Variants in MICU1 observed in about 807,000 individuals in gnomAD.
MICU1 encodes the protein mitochondrial calcium uptake 1.
In MICU1, 45 loss-of-function variants were observed where a neutral mutation model predicts 56.8. The observed-to-expected ratio is 0.79, with a 90% CI of 0.62 to 1.02. MICU1 has a LOEUF of 1.02. Ranked by LOEUF, MICU1 falls within the 50% of genes least tolerant of loss-of-function variation. The pLI, the probability that MICU1 is intolerant of heterozygous loss-of-function variation, is 0.00. For synonymous variants in MICU1, 186 were observed against 195.1 expected, an observed-to-expected ratio of 0.95 and a Z score of 0.39; for missense variants, 504 against 587.1, an observed-to-expected ratio of 0.86 and a Z score of 1.46.
At chr10:72,451,960 G>A (rs917209078) in intron 8 of MICU1, among the ~76,000 whole-genome samples, 4 of 152,098 alleles carry the variant, frequency 2.6e-5, no homozygotes, top group African/African-American at 4.8e-5. Context: ...CGCCACCTGG[G>A]TTCAAGCCAT....
At chr10:72,431,664 A>G (rs1185978660) in intron 8 of MICU1, among the ~76,000 whole-genome samples, 1 of 152,210 alleles carries the variant, frequency 6.6e-6, no homozygotes, top group Admixed American at 6.5e-5. Context: ...GCTATGTATA[A>G]GAGTGCCCAC....
chr10:72,486,231 C>G (rs1866470351), intron 6 of MICU1, among the ~76,000 whole-genome samples: 1 of 151,986 alleles, frequency 6.6e-6, no homozygotes, highest in Admixed American at 6.6e-5. Context: ...GAACTAAAGG[C>G]ATAAGGATTA....
intron 4 of MICU1, among the ~76,000 whole-genome samples, chr10:72,550,589 T>C (rs995611911): frequency 1.1e-4 from 17 of 152,246 alleles, no homozygotes; most frequent in African/African-American, 4.1e-4. Context: ...CCTTTGAGAC[T>C]ATGGTCACAA....
intron 5 of MICU1, among the ~76,000 whole-genome samples, chr10:72,515,752 A>G (rs975100800): frequency 1.3e-5 from 2 of 152,218 alleles, no homozygotes; most frequent in Admixed American, 1.3e-4. Context: ...GAAAATCTAC[A>G]TATGTTGAAA....
intron 6 of MICU1, among the ~76,000 whole-genome samples, chr10:72,488,313 A>C (rs536221173): frequency 6.6e-6 from 1 of 152,046 alleles, no homozygotes; most frequent in Non-Finnish European, 1.5e-5. Flanking sequence ...AATATGGAAA[A>C]GAATATTTTT....
At chr10:72,506,685 T>C (rs1003287101) in intron 6 of MICU1, among the ~76,000 whole-genome samples, 3 of 152,216 alleles carry the variant, frequency 2.0e-5, no homozygotes, top group African/African-American at 7.2e-5. Flanking sequence ...CATTCTCAAA[T>C]AAATAATTTG....
intron 4 of MICU1, among the ~76,000 whole-genome samples, chr10:72,542,219 G>A (rs191077684): frequency 6.6e-6 from 1 of 152,188 alleles, no homozygotes; most frequent in East Asian, 1.9e-4. Context: ...TTAATTTCAT[G>A]TCACTTTCAA....
At chr10:72,369,195 T>C (rs1862244941) in intron 11 of MICU1, among the ~76,000 whole-genome samples, 1 of 151,796 alleles carries the variant, frequency 6.6e-6, no homozygotes, top group Non-Finnish European at 1.5e-5. Flanking sequence ...GGAAGATCGC[T>C]TGATTACCAC....
At chr10:72,404,217 T>C (rs1436089966) in intron 10 of MICU1, among the ~76,000 whole-genome samples, 1 of 151,000 alleles carries the variant, frequency 6.6e-6, no homozygotes, top group Non-Finnish European at 1.5e-5. Context: ...CTTGAACTCC[T>C]GGCCTCAAGT....
At chr10:72,577,175 G>A (rs997901638) in intron 1 of MICU1, among the ~76,000 whole-genome samples, 1 of 151,960 alleles carries the variant, frequency 6.6e-6, no homozygotes, top group African/African-American at 2.4e-5. Context: ...GACTCTGGGG[G>A]CTCTGGGGGG....
chr10:72,610,871 A>C (rs905747658), intron 1 of MICU1, among the ~76,000 whole-genome samples: 2 of 152,214 alleles, frequency 1.3e-5, no homozygotes, highest in Non-Finnish European at 2.9e-5. Context: ...AACATGATAC[A>C]TTACTTTACC....
intron 9 of MICU1, among the ~76,000 whole-genome samples, chr10:72,420,049 C>T (rs1367765030): frequency 2.6e-5 from 4 of 152,098 alleles, no homozygotes; most frequent in South Asian, 4.1e-4. Context: ...CCTGCCACAA[C>T]GTAAGACGTG....
At chr10:72,475,443 T>TG in intron 7 of MICU1, 146 bp from the exon 8 acceptor site, 1 of 809,246 alleles carries the variant, frequency 1.2e-6, no homozygotes, top group Non-Finnish European at 1.9e-6. Flanking sequence ...AATTTTTTTT[T>TG]TTTGAGACAG....
chr10:72,470,683 A>T (rs561582928), intron 8 of MICU1, among the ~76,000 whole-genome samples: 2 of 151,658 alleles, frequency 1.3e-5, no homozygotes, highest in African/African-American at 4.9e-5. Context: ...AACAGCAATT[A>T]AATTTCCAAT....
Position 72,398,882 on chromosome 10 carries a change from C to T in MICU1, c.1180+9047G>A, listed in dbSNP as rs568599843. On this transcript the variant is annotated intron_variant, in intron 10 of 11. Transcript: ENST00000361114. ...CAGAGGTACAAAAAGGAGCTGGTACCATTCCTTCTGAAACTATTCCAATCA... is the reference window on the plus strand; with the variant it reads ...CAGAGGTACAAAAAGGAGCTGGTACTATTCCTTCTGAAACTATTCCAATCA... Among the ~76,000 whole-genome samples the T allele has an allele frequency of 8.5e-5, 13 of 152,302 alleles. No homozygotes were observed. The South Asian group carries it at 2.7e-3, about 32-fold the overall frequency.
chr10:72,520,483 C>A (rs1867784878), intron 5 of MICU1, among the ~76,000 whole-genome samples: 1 of 152,070 alleles, frequency 6.6e-6, no homozygotes, highest in Non-Finnish European at 1.5e-5. Flanking sequence ...CTCAAATTTT[C>A]TTCTAAGCTT....
intron 8 of MICU1, among the ~76,000 whole-genome samples, chr10:72,428,070 G>A (rs187414875): frequency 1.3e-5 from 2 of 152,210 alleles, no homozygotes; most frequent in Non-Finnish European, 2.9e-5. Flanking sequence ...CAAGAGCCCA[G>A]GTCAGACTGC....
At chr10:72,610,107 A>T (rs961696411) in intron 1 of MICU1, among the ~76,000 whole-genome samples, 1 of 151,894 alleles carries the variant, frequency 6.6e-6, no homozygotes, top group Non-Finnish European at 1.5e-5. Context: ...AAAATTTTTT[A>T]AAAATTGGTT....
At chr10:72,407,778 A>G in intron 10 of MICU1, 151 bp downstream of exon 10, 1 of 569,016 alleles carries the variant, frequency 1.8e-6, no homozygotes, top group Non-Finnish European at 3.1e-6. Flanking sequence ...TCAGGGTGAA[A>G]TGCAAGGCTC....
Sources: allele counts gnomAD v4.1 joint callset (sites outside exome capture counted in the v4.1 genomes callset), GRCh38; gene constraint gnomAD v4.1.1; transcripts MANE v1.5; gene names NCBI Gene and HGNC (gene_info 2026-07-23, HGNC 2026-07-21).